The following TACC1 variants were observed in gnomAD, a reference collection of about 807,000 sequenced individuals.
TACC1 encodes transforming acidic coiled-coil-containing protein 1.
TACC1 carries 48 observed loss-of-function variants against 84.4 expected under a neutral mutation model. That is an observed-to-expected ratio of 0.57 (90% CI 0.45 to 0.72). The LOEUF is 0.72. Ranked by LOEUF, TACC1 falls within the 30% of genes least tolerant of loss-of-function variation. The pLI, the probability that TACC1 is intolerant of heterozygous loss-of-function variation, is 0.00. For synonymous variants in TACC1, 372 were observed against 376.3 expected (o/e 0.99, Z 0.13); for missense variants, 920 against 973.0 (o/e 0.95, Z 0.72).
upstream of TACC1, among the ~76,000 whole-genome samples, chr8:38,783,098 C>CTATATATA (rs1462143679): frequency 3.4e-5 from 4 of 116,380 alleles, no homozygotes; most frequent in African/African-American, 3.7e-5. Flanking sequence ...ATCTATCTAT[C>CTATATATA]TATCTATCTA....
intron 3 of TACC1, among the ~76,000 whole-genome samples, chr8:38,751,702 A>G (rs757185308): frequency 1.3e-5 from 2 of 152,256 alleles, no homozygotes; most frequent in African/African-American, 4.8e-5. Flanking sequence ...ACAGACTATC[A>G]TATAGTGTAA....
chr8:38,765,961 C>T (rs1812171017), intron 3 of TACC1, among the ~76,000 whole-genome samples: 4 of 152,142 alleles, frequency 2.6e-5, no homozygotes, highest in Admixed American at 6.5e-5. Context: ...GAAATAGTGG[C>T]ACCTTCAAAT....
At position 38,843,227 on chromosome 8, in the gene TACC1, A is replaced by G. The variant is rs1831583219; in HGVS notation, c.2122-62A>G. 6 of 1,125,202 alleles carry G rather than the reference A, an allele frequency of 5.3e-6. 1 individual carries two copies. In the East Asian group the frequency reaches 1.3e-4, roughly 24 times the overall value. The allele number at this position is 1,125,202 out of a possible 1,614,324, so 69.7% of individuals were successfully genotyped here. A position where few individuals can be genotyped will look rare whatever the true frequency, so the allele number is the denominator to read the frequency against. On this transcript the variant is annotated intron_variant, in intron 10 of 12. Coordinates refer to ENST00000317827, the MANE Select transcript of TACC1 (RefSeq NM_006283.3). ...CATTCTTTAAAAAATGAAAACTCTGATATGTGGTAGATTAGAAGAAACAAA... is the reference window on the plus strand; with the variant it reads ...CATTCTTTAAAAAATGAAAACTCTGGTATGTGGTAGATTAGAAGAAACAAA...
rs556805764 is a variant in TACC1, at chr8:38,819,824, G to A, written c.580G>A (p.Glu194Lys). The change falls in exon 3 of 13, where the codon GAG becomes AAG. Residue 194 changes from glutamate (E) to lysine (K), a missense_variant. Coordinates refer to ENST00000317827, the MANE Select transcript of TACC1 (RefSeq NM_006283.3). ...PSSPPDALQD[E>K]AMTEGSMGVT... ...CAGCCCGCCAGACGCCCTCCAGGACGAGGCGATGACAGAAGGCAGCATGGG... is the reference window on the plus strand; with the variant it reads ...CAGCCCGCCAGACGCCCTCCAGGACAAGGCGATGACAGAAGGCAGCATGGG... 24 of 1,613,956 alleles carry A rather than the reference G, an allele frequency of 1.5e-5. No individual in the cohort carries two copies. Among genetic ancestry groups the A allele is most frequent in the East Asian group, 1.1e-4 (5 of 44,888 alleles).
At chr8:38,819,372 G>T (rs760056974) in intron 2 of TACC1, 150 bp from the exon 3 acceptor site, 78 of 900,640 alleles carry the variant, frequency 8.7e-5, no homozygotes, top group Non-Finnish European at 1.2e-4. Flanking sequence ...TCTCTTTCAG[G>T]CTGTGCTGCC....
intron 3 of TACC1, among the ~76,000 whole-genome samples, chr8:38,755,665 C>T (rs1023671646): frequency 2.8e-4 from 42 of 151,600 alleles, no homozygotes; most frequent in Admixed American, 5.3e-4. Flanking sequence ...GATCGCACCA[C>T]GGCACTCCAG....
chr8:38,802,304 A>C (rs955934862), intron 2 of TACC1: 4 of 152,338 alleles, frequency 2.6e-5, no homozygotes, highest in Non-Finnish European at 1.5e-5. Context: ...TGGGCCACAC[A>C]GCAGGAGGTG....
intron 2 of TACC1, among the ~76,000 whole-genome samples, chr8:38,817,065 A>T (rs1163912137): frequency 6.6e-6 from 1 of 152,228 alleles, no homozygotes; most frequent in Non-Finnish European, 1.5e-5. Context: ...CTGTGCCAGG[A>T]ACTGAGGACA....
chr8:38,735,436 C>A (rs1266475733), intron 1 of TACC1, among the ~76,000 whole-genome samples: 1 of 152,184 alleles, frequency 6.6e-6, no homozygotes, highest in Non-Finnish European at 1.5e-5. Context: ...AGACTGGCAC[C>A]CTTACATCTG....
At chr8:38,838,587 G>A in intron 8 of TACC1, 41 bp downstream of exon 8, 1 of 1,488,116 alleles carries the variant, frequency 6.7e-7, no homozygotes, top group Non-Finnish European at 9.4e-7. Flanking sequence ...ATACTTTTAT[G>A]CACTGTTAGA....
intron 2 of TACC1, among the ~76,000 whole-genome samples, chr8:38,803,108 A>G (rs917258002): frequency 2.6e-5 from 4 of 152,146 alleles, no homozygotes; most frequent in South Asian, 2.1e-4. Context: ...TAGAAATACA[A>G]TTGATTTTTA....
intron 3 of TACC1, among the ~76,000 whole-genome samples, chr8:38,749,231 A>G (rs1808592898): frequency 6.6e-6 from 1 of 152,246 alleles, no homozygotes; most frequent in Non-Finnish European, 1.5e-5. Flanking sequence ...AAGATGAAAT[A>G]GAAAGCTTGA....
intron 3 of TACC1, among the ~76,000 whole-genome samples, chr8:38,773,315 A>G (rs1288566799): frequency 1.3e-5 from 2 of 151,356 alleles, no homozygotes; most frequent in African/African-American, 4.8e-5. Flanking sequence ...AAAGAGTAAA[A>G]CTCCGTCTCA....
intron 2 of TACC1, among the ~76,000 whole-genome samples, chr8:38,801,624 T>TTGTGTGTG (rs1821388086): frequency 6.6e-6 from 1 of 152,182 alleles, no homozygotes; most frequent in Non-Finnish European, 1.5e-5. Flanking sequence ...TACTATAGCT[T>TTGTGTGTG]TGTAGTAAGT....
chr8:38,838,127 G>C (rs1830566858), intron 7 of TACC1, among the ~76,000 whole-genome samples: 3 of 152,234 alleles, frequency 2.0e-5, no homozygotes, highest in Admixed American at 6.5e-5. Flanking sequence ...GTGAATACCT[G>C]CCAATCAGAT....
chr8:38,733,810 C>T, intron 1 of TACC1, among the ~76,000 whole-genome samples: 1 of 152,096 alleles, frequency 6.6e-6, no homozygotes, highest in Non-Finnish European at 1.5e-5. Flanking sequence ...CACGGGACAA[C>T]CTTAAAACGC....
rs1422682558 is a variant in TACC1 at position 38,846,744 on chromosome 8, G to A, written c.2274G>A (p.Glu758=). 1 of 1,614,180 alleles carries A rather than the reference G, an allele frequency of 6.2e-7. No individual in the cohort carries two copies. The highest frequency in any genetic ancestry group is 2.2e-5 in the East Asian group (1 of 44,880). Residue 758 remains glutamate, a synonymous_variant, in exon 12 of 13, where the codon GAG becomes GAA. Transcript: ENST00000317827. ...AGGTTCGAACAAAAGCAAAGGCTGA[G>A]AGTGCAGCTCTCCATGCTGGACTCC... The part of the protein sequence containing the change: ...IAQVRTKAKA[E]SAALHAGLRK...
intron 2 of TACC1, among the ~76,000 whole-genome samples, chr8:38,801,986 T>C (rs1014019377): frequency 3.9e-5 from 6 of 152,202 alleles, no homozygotes; most frequent in Admixed American, 2.0e-4. Flanking sequence ...CAAGCATGGC[T>C]CACTGCAGCC....
At chr8:38,791,414 A>G (rs1818628275) in intron 2 of TACC1, among the ~76,000 whole-genome samples, 1 of 152,238 alleles carries the variant, frequency 6.6e-6, no homozygotes, top group Admixed American at 6.5e-5. Context: ...GTCTTTAAAC[A>G]ATAGGATGAT....
Sources: allele counts gnomAD v4.1 joint callset (sites outside exome capture counted in the v4.1 genomes callset), GRCh38; gene constraint gnomAD v4.1.1; transcripts MANE v1.5; gene names NCBI Gene and HGNC (gene_info 2026-07-23, HGNC 2026-07-21).